The following ERBB4 variants were observed in gnomAD, a reference collection of about 807,000 sequenced individuals.
The protein encoded by ERBB4 is receptor tyrosine-protein kinase erbB-4.
ERBB4 carries 42 observed loss-of-function variants against 158.0 expected under a neutral mutation model. The observed-to-expected ratio is 0.27, with a 90% CI of 0.21 to 0.34. The LOEUF is 0.34. ERBB4 is among the 10% of genes least tolerant of loss of function. ERBB4 has a pLI of 1.00. For missense variants in ERBB4, 1,333 were observed against 1,624.1 expected (o/e 0.82, Z 3.08); for synonymous variants, 583 against 558.7 (o/e 1.04, Z -0.61).
intron 20 of ERBB4, among the ~76,000 whole-genome samples, chr2:211,446,509 C>T (rs2064116216): frequency 6.6e-6 from 1 of 152,082 alleles, no homozygotes; most frequent in Non-Finnish European, 1.5e-5. Context: ...TATGTAAAGT[C>T]TTTTTAAAAA....
At chr2:212,177,697 T>C (rs1250009111) in intron 1 of ERBB4, among the ~76,000 whole-genome samples, 1 of 152,076 alleles carries the variant, frequency 6.6e-6, no homozygotes, top group East Asian at 1.9e-4. Flanking sequence ...GCCGGCACTA[T>C]GCTGGATGTG....
At chr2:211,532,189 AATAG>A (rs1033727116) in intron 20 of ERBB4, among the ~76,000 whole-genome samples, 74 of 152,034 alleles carry the variant, frequency 4.9e-4, no homozygotes, top group Non-Finnish European at 7.5e-4. Flanking sequence ...GGTACAAAAA[AATAG>A]ATAGAATGAA....
At chr2:211,402,781 T>C (rs957451398) in intron 25 of ERBB4, among the ~76,000 whole-genome samples, 1 of 151,978 alleles carries the variant, frequency 6.6e-6, no homozygotes, top group Non-Finnish European at 1.5e-5. Flanking sequence ...GTACAATAAA[T>C]AGTTATTATA....
intron 18 of ERBB4, among the ~76,000 whole-genome samples, chr2:211,622,446 C>T (rs1276139229): frequency 6.6e-6 from 1 of 151,960 alleles, no homozygotes; most frequent in African/African-American, 2.4e-5. Flanking sequence ...AAAACTTCTG[C>T]ATTTTGACCT....
At chr2:211,581,636 C>T (rs549289972) in intron 19 of ERBB4, among the ~76,000 whole-genome samples, 4 of 152,248 alleles carry the variant, frequency 2.6e-5, no homozygotes, top group South Asian at 4.1e-4. Flanking sequence ...AGGCACTGCT[C>T]TTTCTTCCCA....
chr2:212,186,029 C>T (rs2082008511), intron 1 of ERBB4, among the ~76,000 whole-genome samples: 1 of 152,108 alleles, frequency 6.6e-6, no homozygotes, highest in South Asian at 2.1e-4. Flanking sequence ...TGAATTCAAA[C>T]GTTTGCTTAC....
rs1559701934 is a variant in ERBB4, at chr2:212,191,607, CCTGT to C, written c.83-66708_83-66705del. 3.2e-3 allele frequency among the ~76,000 whole-genome samples: 432 copies of C among 136,206 alleles called. 16 individuals carry two copies. The highest frequency in any genetic ancestry group is 0.012 in the African/African-American group (407 of 34,754). The allele number at this position is 136,206 out of a possible 152,430, so 89.4% of individuals were successfully genotyped here. ...TGTTATATATAACACATGTGTTATG[CCTGT>C]TATATATAACACATGTGTTATGCAT... On this transcript the variant is annotated intron_variant, in intron 1 of 27. Coordinates refer to ENST00000342788, the MANE Select transcript of ERBB4 (RefSeq NM_005235.3).
chr2:212,462,166 T>A (rs139478197), intron 1 of ERBB4, among the ~76,000 whole-genome samples: 1 of 142,964 alleles, frequency 7.0e-6, no homozygotes, highest in African/African-American at 2.4e-5. Flanking sequence ...GAAGAAAACA[T>A]TGGAGAAACA....
At chr2:211,967,556 C>T (rs938667602) in intron 2 of ERBB4, among the ~76,000 whole-genome samples, 1 of 151,764 alleles carries the variant, frequency 6.6e-6, no homozygotes, top group Non-Finnish European at 1.5e-5. Flanking sequence ...AGAAATGGCC[C>T]CAAGAATGAT....
At chr2:212,436,209 CT>C in intron 1 of ERBB4, among the ~76,000 whole-genome samples, 1 of 151,908 alleles carries the variant, frequency 6.6e-6, no homozygotes, top group Admixed American at 6.6e-5. Flanking sequence ...AATAAAAAAC[CT>C]CAGAAAAAGC....
At chr2:212,524,372 A>G (rs766466329) in intron 1 of ERBB4, among the ~76,000 whole-genome samples, 1 of 151,996 alleles carries the variant, frequency 6.6e-6, no homozygotes, top group Non-Finnish European at 1.5e-5. Flanking sequence ...GCAGCAGCTA[A>G]TACCTTGCCA....
intron 1 of ERBB4, among the ~76,000 whole-genome samples, chr2:212,268,932 A>T (rs2106112092): frequency 6.6e-6 from 1 of 152,020 alleles, no homozygotes; most frequent in Non-Finnish European, 1.5e-5. Flanking sequence ...TACTCAAAAT[A>T]ATTCCAGGGA....
intron 15 of ERBB4, among the ~76,000 whole-genome samples, chr2:211,663,830 G>A (rs2071519573): frequency 6.6e-6 from 1 of 152,056 alleles, no homozygotes; most frequent in African/African-American, 2.4e-5. Flanking sequence ...TCTTGTGGAT[G>A]ATTTTAGCAG....
chr2:211,469,457 C>G lies in ERBB4; in HGVS notation c.2488-38357G>C, dbSNP rs568254926. 1.6e-4 allele frequency among the ~76,000 whole-genome samples: 25 copies of G among 152,138 alleles called. No homozygotes were observed. In the South Asian group the frequency reaches 5.2e-3, roughly 32 times the overall value. Reference sequence around the variant, plus strand: ...TGTACATGAGATATGCATGTTTATTCCAAGACAGCTAAAACCATTTCCCAC... The same window carrying G: ...TGTACATGAGATATGCATGTTTATTGCAAGACAGCTAAAACCATTTCCCAC... On this transcript the variant is annotated intron_variant, in intron 20 of 27. Coordinates refer to ENST00000342788, the MANE Select transcript of ERBB4 (RefSeq NM_005235.3).
intron 1 of ERBB4, among the ~76,000 whole-genome samples, chr2:212,510,341 A>G (rs1691450041): frequency 6.6e-6 from 1 of 151,448 alleles, no homozygotes; most frequent in Admixed American, 6.6e-5. Flanking sequence ...TATAAACTAT[A>G]GAAGTAATAA....
chr2:212,065,027 G>T (rs866729254), intron 2 of ERBB4, among the ~76,000 whole-genome samples: 11 of 131,446 alleles, frequency 8.4e-5, no homozygotes, highest in Non-Finnish European at 1.2e-4. Flanking sequence ...GTGTGTGTGT[G>T]TTGTGTGTGT....
At chr2:211,921,462 C>T (rs980818735) in intron 3 of ERBB4, among the ~76,000 whole-genome samples, 9 of 152,004 alleles carry the variant, frequency 5.9e-5, no homozygotes, top group Non-Finnish European at 1.2e-4. Flanking sequence ...ACTCAACTGA[C>T]GTGTAAGTCT....
chr2:211,856,905 G>A (rs1366187340), intron 3 of ERBB4, among the ~76,000 whole-genome samples: 1 of 152,106 alleles, frequency 6.6e-6, no homozygotes, highest in African/African-American at 2.4e-5. Flanking sequence ...TACTTTTGGT[G>A]TTGTACAATC....
chr2:211,515,912 A>ATATATATATATATATATATATATAT (rs35696520), intron 20 of ERBB4, among the ~76,000 whole-genome samples: 7 of 78,988 alleles, frequency 8.9e-5, no homozygotes, highest in African/African-American at 1.1e-4. Context: ...ATATATATAT[A>ATATATATATATATATATATATATAT]TTTTTTTTTT....
Sources: allele counts gnomAD v4.1 joint callset (sites outside exome capture counted in the v4.1 genomes callset), GRCh38; gene constraint gnomAD v4.1.1; transcripts MANE v1.5; gene names NCBI Gene and HGNC (gene_info 2026-07-23, HGNC 2026-07-21).